POTEH: variants seen among roughly 807,000 people sequenced by gnomAD.
POTEH encodes POTE ankyrin domain family member H, also known as ANKRD26-like family C member 3.
A neutral mutation model predicts 41.7 loss-of-function variants in POTEH; 6 were observed. The observed-to-expected ratio is 0.14, with a 90% CI of 0.08 to 0.28. The LOEUF is 0.28. POTEH is among the 10% of genes least tolerant of loss of function. The pLI is 1.00. For synonymous variants in POTEH, 38 were observed against 179.9 expected (o/e 0.21, Z 6.31); for missense variants, 115 against 533.5 (o/e 0.22, Z 7.73).
intron 9 of POTEH, among the ~76,000 whole-genome samples, chr22:15,711,392 C>G (rs8141758): frequency 1.2e-4 from 18 of 151,526 alleles, no homozygotes; most frequent in African/African-American, 4.4e-4. Context: ...TTGGTCGTCT[C>G]CCTCCTGCCA....
chr22:15,713,598 C>T (rs1227424495), intron 9 of POTEH, among the ~76,000 whole-genome samples: 1 of 152,278 alleles, frequency 6.6e-6, no homozygotes, highest in African/African-American at 2.4e-5. Context: ...CTCCTGGCTT[C>T]CAGCGCTTCT....
At chr22:15,710,296 T>C (rs1333250162) in intron 8 of POTEH, among the ~76,000 whole-genome samples, 1 of 152,272 alleles carries the variant, frequency 6.6e-6, no homozygotes, top group African/African-American at 2.4e-5. Context: ...GGTTCCCATG[T>C]TTCAGTGAGC....
chr22:15,714,071 C>T (rs1389138051), intron 9 of POTEH, among the ~76,000 whole-genome samples: 1 of 152,004 alleles, frequency 6.6e-6, no homozygotes, highest in African/African-American at 2.4e-5. Flanking sequence ...TCCAGTTGCT[C>T]TGCCAAAAAC....
chr22:15,716,558 G>T lies in POTEH; in HGVS notation c.1521-3102G>T, dbSNP rs572160889. Among the ~76,000 whole-genome samples the T allele has an allele frequency of 8.6e-3, 446 of 52,146 alleles. 195 individuals carry two copies. The highest frequency in any genetic ancestry group is 0.014 in the Non-Finnish European group (356 of 25,012). 34.2% of individuals were successfully genotyped at this position (52,146 alleles called of 152,430 possible). ...CATTAAAAAGTAGTTACAGTATTCT[G>T]CTGGCAAATCTAGCTTTTTATATAT... is the stretch of plus-strand genomic sequence containing the variant. On this transcript the variant is annotated intron_variant, in intron 9 of 10. Coordinates refer to ENST00000343518, the MANE Select transcript of POTEH (RefSeq NM_001136213.1).
At chr22:15,713,517 T>A (rs1989863652) in intron 9 of POTEH, among the ~76,000 whole-genome samples, 1 of 152,100 alleles carries the variant, frequency 6.6e-6, no homozygotes, top group Non-Finnish European at 1.5e-5. Context: ...TTTTTTTTTT[T>A]AAGATGAAGT....
chr22:15,703,385 AC>A (rs1989599950), intron 6 of POTEH: 1 of 85,088 alleles, frequency 1.2e-5, no homozygotes, highest in Non-Finnish European at 2.3e-5. Flanking sequence ...ACACTGAAGC[AC>A]AGGTCATGTT....
rs1415770941 is a variant in POTEH, at chr22:15,717,076, G to A, written c.1521-2584G>A. On this transcript the variant is annotated intron_variant, in intron 9 of 10. Coordinates refer to ENST00000343518, the MANE Select transcript of POTEH (RefSeq NM_001136213.1). ...GTATGTGTATGAATTACCCAGTCTC[G>A]GGTATGTACATACGTATATGTGTGA... Among the ~76,000 whole-genome samples, 6 of 78,282 alleles carry A rather than the reference G, an allele frequency of 7.7e-5. 2 individuals carry two copies. The highest frequency in any genetic ancestry group is 2.0e-4 in the African/African-American group (5 of 25,372). The allele number at this position is 78,282 out of a possible 152,430, so 51.4% of individuals were successfully genotyped here. A position where few individuals can be genotyped will look rare whatever the true frequency, so the allele number is the denominator to read the frequency against.
intron 9 of POTEH, among the ~76,000 whole-genome samples, chr22:15,711,430 T>C (rs1377195681): frequency 6.6e-6 from 1 of 151,390 alleles, no homozygotes; most frequent in Non-Finnish European, 1.5e-5. Flanking sequence ...GGCCCCAGTG[T>C]CTGTTATTCT....
chr22:15,691,237 T>A (rs1350056100), intron 1 of POTEH, among the ~76,000 whole-genome samples: 2 of 140,916 alleles, frequency 1.4e-5, no homozygotes, highest in African/African-American at 2.6e-5. Context: ...AGATGTGAGC[T>A]TTTTGGCTGG....
At chr22:15,693,031 C>T (rs1260349027) in intron 1 of POTEH, among the ~76,000 whole-genome samples, 8 of 126,034 alleles carry the variant, frequency 6.3e-5, no homozygotes, top group Admixed American at 3.3e-4. Flanking sequence ...AATTTCAGTG[C>T]ATCCATAGGA....
At chr22:15,714,448 C>A (rs1247288356) in intron 9 of POTEH, among the ~76,000 whole-genome samples, 77 of 152,034 alleles carry the variant, frequency 5.1e-4, no homozygotes, top group African/African-American at 1.8e-3. Flanking sequence ...CCTGCTTAAA[C>A]TTCTGTTTCT....
chr22:15,718,786 T>G (rs1352106768), intron 9 of POTEH, among the ~76,000 whole-genome samples: 2 of 151,474 alleles, frequency 1.3e-5, no homozygotes, highest in Non-Finnish European at 2.9e-5. Context: ...TTATTCTTAA[T>G]ATGCATGAAA....
chr22:15,703,933 T>C (rs1989615609), intron 6 of POTEH, among the ~76,000 whole-genome samples: 1 of 146,268 alleles, frequency 6.8e-6, no homozygotes, highest in South Asian at 2.3e-4. Context: ...AAATGTCTTT[T>C]AGATACTAGC....
At chr22:15,705,427 A>G (rs201326671) in intron 6 of POTEH, among the ~76,000 whole-genome samples, 4,646 of 135,644 alleles carry the variant, frequency 0.034, no homozygotes, top group East Asian at 0.082. Flanking sequence ...CGTAAGAAAT[A>G]ACATTAATTG....
intron 1 of POTEH, among the ~76,000 whole-genome samples, chr22:15,692,646 T>C (rs1311339423): frequency 9.4e-6 from 1 of 106,424 alleles, no homozygotes; most frequent in Non-Finnish European, 2.0e-5. Flanking sequence ...TCCCAGCTAC[T>C]CAGGAGGCTG....
intron 9 of POTEH, among the ~76,000 whole-genome samples, chr22:15,713,698 C>G (rs1207405920): frequency 1.7e-4 from 26 of 152,238 alleles, no homozygotes; most frequent in African/African-American, 6.0e-4. Flanking sequence ...CAGGGTTTCC[C>G]CATGTTGGCC....
rs1989602702 is a variant in POTEH at position 15,703,494 on chromosome 22, GTTC to G, written c.1237+743_1237+745del. ...TATTGACTTTTTTGGAACAAGATGT[GTTC>G]TTCTACCTGCTGGTTAATTGTCATG... On this transcript the variant is annotated intron_variant, in intron 6 of 10. Coordinates refer to ENST00000343518, the MANE Select transcript of POTEH (RefSeq NM_001136213.1). The G allele has an allele frequency of 9.8e-5, 11 of 111,716 alleles. No homozygotes were observed. The Admixed American group carries it at 1.1e-3, about 11-fold the overall frequency. 6.9% of individuals were successfully genotyped at this position (111,716 alleles called of 1,614,324 possible).
At chr22:15,692,048 C>T (rs1212548972) in intron 1 of POTEH, among the ~76,000 whole-genome samples, 4 of 138,774 alleles carry the variant, frequency 2.9e-5, no homozygotes, top group African/African-American at 1.0e-4. Context: ...CTCTGTTGCC[C>T]AGGCTGGAGT....
At position 15,690,859 on chromosome 22, in the gene POTEH, G is replaced by A. The variant is rs1484450788; in HGVS notation, c.632+150G>A. On this transcript the variant is annotated intron_variant, in intron 1 of 10. Transcript: ENST00000343518. ...AAACCTCAGAGAGTTCAGGGCACAG[G>A]CCCCTTTATGAGCAGCAACACAAAA... The A allele has an allele frequency of 5.2e-6, 5 of 968,606 alleles. 1 individual carries two copies. The highest frequency in any genetic ancestry group is 5.1e-5 in the East Asian group (2 of 39,238). The allele number at this position is 968,606 out of a possible 1,614,324, so 60.0% of individuals were successfully genotyped here.
Sources: gnomAD v4.1 joint callset for allele counts (sites outside exome capture counted in the v4.1 genomes callset) on GRCh38, gnomAD v4.1.1 for gene constraint, MANE v1.5 for transcripts, NCBI Gene and HGNC (gene_info 2026-07-23, HGNC 2026-07-21) for gene names.